The following CUBN variants were observed in gnomAD, a reference collection of about 807,000 sequenced individuals.
The protein encoded by CUBN is cubilin, also known as 460 kDa receptor.
In CUBN, 282 loss-of-function variants were observed where a neutral mutation model predicts 405.3. The ratio of observed to expected loss-of-function variants is 0.70; its 90% CI spans 0.63 to 0.77. The LOEUF (loss-of-function observed/expected upper bound fraction) is 0.77, where lower values mean the gene tolerates loss of function less well. Ranked by LOEUF, CUBN falls within the 30% of genes least tolerant of loss-of-function variation. The probability of loss-of-function intolerance (pLI) is 0.00; values close to 1 mark genes in which losing one functional copy is unlikely to be tolerated. For synonymous variants in CUBN, 1,684 were observed against 1,617.0 expected (o/e 1.04, Z -0.99); for missense variants, 4,514 against 4,475.2 (o/e 1.01, Z -0.25).
At chr10:17,003,850 T>C (rs546164525) in intron 28 of CUBN, among the ~76,000 whole-genome samples, 1 of 152,318 alleles carries the variant, frequency 6.6e-6, no homozygotes, top group South Asian at 2.1e-4. Context: ...CCCCTGGGGT[T>C]GCCTCTGTCA....
intron 48 of CUBN, among the ~76,000 whole-genome samples, chr10:16,911,543 T>C (rs749496862): frequency 6.6e-6 from 1 of 152,190 alleles, no homozygotes; most frequent in Non-Finnish European, 1.5e-5. Context: ...TATAAGTTGA[T>C]AATTAAGGGA....
At chr10:16,935,028 G>A (rs1455080396) in intron 39 of CUBN, among the ~76,000 whole-genome samples, 1 of 152,198 alleles carries the variant, frequency 6.6e-6, no homozygotes, top group Non-Finnish European at 1.5e-5. Flanking sequence ...CTAGTCCACA[G>A]TAAGCTCATT....
Position 16,845,225 on chromosome 10 carries a change from T to C in CUBN, c.9664-4178A>G, listed in dbSNP as rs1223886225. Among the ~76,000 whole-genome samples, 3 of 152,240 alleles carry C rather than the reference T, an allele frequency of 2.0e-5. No individual in the cohort carries two copies. In the East Asian group the frequency reaches 5.8e-4, roughly 29 times the overall value. On this transcript the variant is annotated intron_variant, in intron 60 of 66. Coordinates refer to ENST00000377833, the MANE Select transcript of CUBN (RefSeq NM_001081.4). ...ATGAACTTTTAATGCACAAGGGCAA[T>C]AGACTTTGATATTGGACTACAATTC... is the stretch of plus-strand genomic sequence containing the variant.
At chr10:17,001,203 T>C (rs902101593) in intron 28 of CUBN, among the ~76,000 whole-genome samples, 2 of 152,194 alleles carry the variant, frequency 1.3e-5, no homozygotes, top group African/African-American at 4.8e-5. Flanking sequence ...TTACAGCTCA[T>C]AAACGTAGTG....
intron 31 of CUBN, among the ~76,000 whole-genome samples, chr10:16,980,546 A>G (rs1448837252): frequency 6.6e-6 from 1 of 152,228 alleles, no homozygotes; most frequent in Non-Finnish European, 1.5e-5. Context: ...TTGAAGGGAC[A>G]TGGATGAAGC....
Position 16,903,906 on chromosome 10 carries a change from TG to T in CUBN, c.8062+59del, listed in dbSNP as rs5783520. 0.57 allele frequency: 693,766 copies of T among 1,220,354 alleles called. 204,122 individuals are homozygous for T. The highest frequency in any genetic ancestry group is 0.78 in the East Asian group (30,009 of 38,354). The allele number at this position is 1,220,354 out of a possible 1,614,324, so 75.6% of individuals were successfully genotyped here. A position where few individuals can be genotyped will look rare whatever the true frequency, so the allele number is the denominator to read the frequency against. On this transcript the variant is annotated intron_variant, in intron 51 of 66. Transcript: ENST00000377833. ...TAACAAAATATATATGAAATCTTTATGGAAAAAAATCATTAATCTTTATAAG... is the reference window on the plus strand; with the variant it reads ...TAACAAAATATATATGAAATCTTTATGAAAAAAATCATTAATCTTTATAAG...
chr10:16,959,997 T>C (rs78214141), intron 31 of CUBN, among the ~76,000 whole-genome samples: 5 of 152,286 alleles, frequency 3.3e-5, no homozygotes, highest in Non-Finnish European at 7.4e-5. Context: ...TTCTAGATGA[T>C]AGTAATAAAA....
chr10:17,043,218 T>A lies in CUBN; in HGVS notation c.3829+609A>T, dbSNP rs72775018. ...GAACAAACCCCAGGCCCCTTGACAT[T>A]TTGCTCAGTGTTCCTTTAATTCCAT... On this transcript the variant is annotated intron_variant, in intron 26 of 66. Coordinates refer to ENST00000377833, the MANE Select transcript of CUBN (RefSeq NM_001081.4). 6.4e-3 allele frequency among the ~76,000 whole-genome samples: 972 copies of A among 152,256 alleles called. 6 individuals are homozygous for A. The highest frequency in any genetic ancestry group is 0.011 in the Non-Finnish European group (773 of 68,002).
At position 17,009,186 on chromosome 10, in the gene CUBN, T is replaced by A. The variant is rs192732536; in HGVS notation, c.4168+10647A>T. Among the ~76,000 whole-genome samples, 34 of 152,350 alleles carry A rather than the reference T, an allele frequency of 2.2e-4. No homozygotes were observed. The East Asian group carries it at 6.0e-3, about 27-fold the overall frequency. On this transcript the variant is annotated intron_variant, in intron 28 of 66. Coordinates refer to ENST00000377833, the MANE Select transcript of CUBN (RefSeq NM_001081.4). ...CAGAAGTTTCCTCCCAAGTATAATT[T>A]ACATATTGTGAGCAGCACAGAGTTA...
At chr10:16,902,040 T>TAC (rs1280513104) in intron 51 of CUBN, among the ~76,000 whole-genome samples, 1 of 135,318 alleles carries the variant, frequency 7.4e-6, no homozygotes, top group Non-Finnish European at 1.6e-5. Context: ...TATATATATA[T>TAC]ATACACACAC....
At chr10:16,896,263 T>C (rs1288340098) in intron 54 of CUBN, among the ~76,000 whole-genome samples, 2 of 152,334 alleles carry the variant, frequency 1.3e-5, no homozygotes, top group South Asian at 2.1e-4. Context: ...TTTTCCACTT[T>C]CCTTTTTCTT....
intron 56 of CUBN, among the ~76,000 whole-genome samples, chr10:16,887,224 A>G (rs1840847434): frequency 6.6e-6 from 1 of 152,240 alleles, no homozygotes; most frequent in East Asian, 1.9e-4. Context: ...ACGTATGTCT[A>G]TAAACTTTAA....
At chr10:17,025,843 C>T (rs767438383) in intron 27 of CUBN, among the ~76,000 whole-genome samples, 10 of 152,086 alleles carry the variant, frequency 6.6e-5, no homozygotes, top group South Asian at 4.2e-4. Context: ...GAAACCAAGG[C>T]GAATCATCCT....
chr10:17,105,355 G>A, intron 11 of CUBN, 102 bp downstream of exon 11: 2 of 800,128 alleles, frequency 2.5e-6, no homozygotes, highest in South Asian at 2.7e-5. Flanking sequence ...TCTGAAACTT[G>A]ACTCATTATC....
rs1564443979 is a variant in CUBN at position 16,952,323 on chromosome 10, TA to T, written c.4921del (p.Tyr1641IlefsTer17). On this transcript the variant is annotated frameshift_variant, in exon 33 of 67. Transcript: ENST00000377833. LOFTEE classifies it high-confidence loss of function. ...CCAGCTGCAGTTCTGATTGTTTGGA[TA>T]ATTGGCAGGGAACCGTGGAGAGGAA... ...TVSSPRFPANYPNNQNCSWII... is the reference protein window; with the variant it reads ...TVSSPRFPANXPNNQNCSWII... 1.2e-6 allele frequency: 2 copies of T among 1,614,036 alleles called. No homozygotes were observed. The highest frequency in any genetic ancestry group is 1.7e-6 in the Non-Finnish European group (2 of 1,179,940).
At chr10:16,887,598 G>A (rs962353071) in intron 56 of CUBN, among the ~76,000 whole-genome samples, 1 of 152,184 alleles carries the variant, frequency 6.6e-6, no homozygotes, top group African/African-American at 2.4e-5. Flanking sequence ...TGGAGAAAAG[G>A]GAACTCTTCC....
At chr10:17,065,880 GAGA>G (rs899336652) in intron 21 of CUBN, among the ~76,000 whole-genome samples, 2 of 152,068 alleles carry the variant, frequency 1.3e-5, no homozygotes, top group Non-Finnish European at 2.9e-5. Context: ...TGTCATGTAT[GAGA>G]AGTTTAATAA....
chr10:17,014,755 A>G (rs1410891316), intron 28 of CUBN, among the ~76,000 whole-genome samples: 1 of 152,192 alleles, frequency 6.6e-6, no homozygotes, highest in Non-Finnish European at 1.5e-5. Context: ...GAGTGCCTGG[A>G]CTTGAGAAGT....
chr10:16,922,936 A>G (rs1365621076), intron 43 of CUBN, among the ~76,000 whole-genome samples: 1 of 151,316 alleles, frequency 6.6e-6, no homozygotes, highest in Non-Finnish European at 1.5e-5. Flanking sequence ...TGCAGCCTCA[A>G]CTTCCCGGGC....
Sources: gnomAD v4.1 joint callset for allele counts (sites outside exome capture counted in the v4.1 genomes callset) on GRCh38, gnomAD v4.1.1 for gene constraint, MANE v1.5 for transcripts, NCBI Gene and HGNC (gene_info 2026-07-23, HGNC 2026-07-21) for gene names.